The following MGAT4D variants were observed in gnomAD, a reference collection of about 807,000 sequenced individuals.
The protein encoded by MGAT4D is alpha-1,3-mannosyl-glycoprotein 4-beta-N-acetylglucosaminyltransferase-like protein MGAT4D.
Under a neutral mutation model 15.9 loss-of-function variants are expected in MGAT4D, and 34 were observed. The ratio of observed to expected loss-of-function variants is 2.14; its 90% CI spans 1.62 to 2.84. MGAT4D has a LOEUF of 2.84. MGAT4D is among the 30% of genes most tolerant of loss of function. The probability of loss-of-function intolerance (pLI) is 0.00; values close to 1 mark genes in which losing one functional copy is unlikely to be tolerated. For synonymous variants in MGAT4D, 112 were observed against 48.2 expected (o/e 2.33, Z -5.49); for missense variants, 327 against 140.2 (o/e 2.33, Z -6.73).
chr4:140,496,069 A>G (rs1733816950), intron 1 of MGAT4D, among the ~76,000 whole-genome samples: 1 of 152,194 alleles, frequency 6.6e-6, no homozygotes, highest in African/African-American at 2.4e-5. Context: ...GGGAGAAAAA[A>G]TAAAGCACTA....
At chr4:140,480,263 T>C (rs1326338323) in intron 2 of MGAT4D, among the ~76,000 whole-genome samples, 2 of 152,156 alleles carry the variant, frequency 1.3e-5, no homozygotes, top group Non-Finnish European at 2.9e-5. Context: ...ATAAAGGTGT[T>C]TGAACACTTG....
chr4:140,480,728 AACACACACACACACAC>A (rs10615827), intron 2 of MGAT4D, among the ~76,000 whole-genome samples: 5,266 of 125,662 alleles, frequency 0.042, 136 homozygotes, highest in South Asian at 0.066. Context: ...CTCATCTCTA[AACACACACACACACAC>A]ACACACACAC....
At chr4:140,475,169 G>T (rs933404620) in intron 3 of MGAT4D, among the ~76,000 whole-genome samples, 3 of 152,030 alleles carry the variant, frequency 2.0e-5, no homozygotes, top group Admixed American at 6.6e-5. Context: ...GCACTAAACA[G>T]ACTCCAAGAT....
intron 8 of MGAT4D, chr4:140,458,451 T>A (rs1730951585): frequency 6.6e-6 from 1 of 152,186 alleles, no homozygotes. Context: ...AGACAGTGAA[T>A]GCTGGAAGTG....
intron 4 of MGAT4D, among the ~76,000 whole-genome samples, chr4:140,473,095 C>CA (rs1732079521): frequency 6.6e-6 from 1 of 151,940 alleles, no homozygotes; most frequent in Non-Finnish European, 1.5e-5. Context: ...AAAGTTTGCT[C>CA]ATTTTCTTTT....
Position 140,451,464 on chromosome 4 carries a change from AAG to A in MGAT4D, c.1060_1061del (p.Leu354PhefsTer12), listed in dbSNP as rs1730469938. Reference sequence around the variant, plus strand: ...ATGAATGTATACCCACATGCTGGAAAAGAGAAGGTTTATACTGAATACGTATT... The same window carrying A: ...ATGAATGTATACCCACATGCTGGAAAAGAAGGTTTATACTGAATACGTATT... ...KQIRIQYKPS[L>X]FQHVGIHSSF... is the part of the protein sequence containing the mutation. On this transcript the variant is annotated frameshift_variant, in exon 10 of 11. Coordinates refer to ENST00000511113, the MANE Select transcript of MGAT4D (RefSeq NM_001277353.2). LOFTEE classifies it high-confidence loss of function. 3.2e-6 allele frequency: 2 copies of A among 632,238 alleles called. No individual in the cohort carries two copies. Among genetic ancestry groups the A allele is most frequent in the Admixed American group, 2.2e-5 (1 of 44,952 alleles). The allele number at this position is 632,238 out of a possible 1,614,324, so 39.2% of individuals were successfully genotyped here.
At chr4:140,489,183 T>G (rs1054999566) in intron 1 of MGAT4D, among the ~76,000 whole-genome samples, 1 of 152,166 alleles carries the variant, frequency 6.6e-6, no homozygotes, top group African/African-American at 2.4e-5. Flanking sequence ...ATTAGTATAC[T>G]TGTACCCAAT....
At chr4:140,452,019 T>C (rs1224656638) in intron 9 of MGAT4D, among the ~76,000 whole-genome samples, 1 of 147,166 alleles carries the variant, frequency 6.8e-6, no homozygotes, top group Non-Finnish European at 1.5e-5. Context: ...AAAAGAAGGA[T>C]GACCTATGGC....
intron 10 of MGAT4D, among the ~76,000 whole-genome samples, chr4:140,450,449 C>A (rs553377179): frequency 1.3e-5 from 2 of 152,208 alleles, no homozygotes; most frequent in Non-Finnish European, 2.9e-5. Context: ...AGATTCACAA[C>A]AGTTACATTT....
rs144650536 is a variant in MGAT4D, at chr4:140,455,695, T to C, written c.1008+894A>G. Among the ~76,000 whole-genome samples, 163 of 152,300 alleles carry C rather than the reference T, an allele frequency of 1.1e-3. No individual in the cohort carries two copies. The East Asian group carries it at 0.023, about 22-fold the overall frequency. ...CCAACTGTAATTGTAGATCGGTCTATTTTTTCTTTTAGTTCTGTCAGTTTT... is the reference window on the plus strand; with the variant it reads ...CCAACTGTAATTGTAGATCGGTCTACTTTTTCTTTTAGTTCTGTCAGTTTT... On this transcript the variant is annotated intron_variant, in intron 9 of 10. Coordinates refer to ENST00000511113, the MANE Select transcript of MGAT4D (RefSeq NM_001277353.2).
chr4:140,495,535 C>T (rs1455690901), intron 1 of MGAT4D, among the ~76,000 whole-genome samples: 2 of 152,126 alleles, frequency 1.3e-5, no homozygotes, highest in African/African-American at 2.4e-5. Flanking sequence ...TTAGCATGCT[C>T]ATTACATGCC....
intron 3 of MGAT4D, among the ~76,000 whole-genome samples, chr4:140,476,222 A>G (rs1452126412): frequency 2.0e-5 from 3 of 152,176 alleles, no homozygotes; most frequent in African/African-American, 7.2e-5. Flanking sequence ...TACTCTTTAT[A>G]TATTCTGAAT....
At chr4:140,469,861 T>G (rs1172290871) in intron 5 of MGAT4D, among the ~76,000 whole-genome samples, 1 of 152,110 alleles carries the variant, frequency 6.6e-6, no homozygotes, top group Admixed American at 6.5e-5. Context: ...GAGGGTGGGG[T>G]CCCTGGACCC....
At position 140,442,591 on chromosome 4, in the gene MGAT4D, A is replaced by G. The variant is rs1023708775; in HGVS notation, c.*845T>C. The G allele has an allele frequency of 2.0e-5, 3 of 152,224 alleles. No homozygotes were observed. Among genetic ancestry groups the G allele is most frequent in the African/African-American group, 7.2e-5 (3 of 41,550 alleles). 9.4% of individuals were successfully genotyped at this position (152,224 alleles called of 1,614,324 possible). On this transcript the variant is annotated 3_prime_UTR_variant, in exon 11 of 11. Coordinates refer to ENST00000511113, the MANE Select transcript of MGAT4D (RefSeq NM_001277353.2). Reference sequence around the variant, plus strand: ...AATTTTGCACCCAATAGATAGGAATACTTTTAAGAGATATTTTTAAAGCAC... The same window carrying G: ...AATTTTGCACCCAATAGATAGGAATGCTTTTAAGAGATATTTTTAAAGCAC...
At chr4:140,474,772 T>C (rs934454433) in intron 4 of MGAT4D, 41 bp downstream of exon 4, 14 of 574,848 alleles carry the variant, frequency 2.4e-5, no homozygotes, top group East Asian at 6.1e-5. Flanking sequence ...TTGGAGACCA[T>C]AGGGTGAGGA....
rs1381498827 is a variant in MGAT4D at position 140,482,387 on chromosome 4, T to C, written c.193A>G (p.Lys65Glu). The C allele has an allele frequency of 1.5e-5, 10 of 651,670 alleles. No homozygotes were observed. Among genetic ancestry groups the C allele is most frequent in the Non-Finnish European group, 2.7e-5 (10 of 366,446 alleles). 40.4% of individuals were successfully genotyped at this position (651,670 alleles called of 1,614,324 possible). ...TCATACTTCATTCGATTCAAAACTT[T>C]CATCATCTCTTGGGTATTTTTTTCA... ...KTEKNTQEMMKVLNRMKYEIT... is the reference protein window; with the variant it reads ...KTEKNTQEMMEVLNRMKYEIT... The change falls in exon 2 of 11, where the codon AAA becomes GAA. Residue 65 changes from lysine (K) to glutamate (E), a missense_variant. Transcript: ENST00000511113.
chr4:140,465,119 AT>A (rs1731447017), intron 5 of MGAT4D, 110 bp from the exon 6 acceptor site: 2 of 563,342 alleles, frequency 3.6e-6, no homozygotes, highest in East Asian at 5.6e-5. Flanking sequence ...TTTGATTTGA[AT>A]TATTTCACAT....
At position 140,462,064 on chromosome 4, in the gene MGAT4D, T is replaced by TA; in HGVS notation, c.687-61dup. 4 of 665,982 alleles carry TA rather than the reference T, an allele frequency of 6.0e-6. No individual in the cohort carries two copies. In the South Asian group the frequency reaches 6.7e-5, roughly 11 times the overall value. 41.3% of individuals were successfully genotyped at this position (665,982 alleles called of 1,614,324 possible). On this transcript the variant is annotated intron_variant, in intron 6 of 10. Coordinates refer to ENST00000511113, the MANE Select transcript of MGAT4D (RefSeq NM_001277353.2). ...CATTATTAATTTTTATTTATAAGCA[T>TA]ACTTTAGTAATTAAAAAACTCTTTG...
At chr4:140,443,721 T>C (rs1729915743) in intron 10 of MGAT4D, among the ~76,000 whole-genome samples, 1 of 152,102 alleles carries the variant, frequency 6.6e-6, no homozygotes, top group Non-Finnish European at 1.5e-5. Context: ...ATAGTCAGAT[T>C]ATCATTACAG....
Sources: allele counts gnomAD v4.1 joint callset (sites outside exome capture counted in the v4.1 genomes callset), GRCh38; gene constraint gnomAD v4.1.1; transcripts MANE v1.5; gene names NCBI Gene and HGNC (gene_info 2026-07-23, HGNC 2026-07-21).